PRDM9: variants seen among roughly 807,000 people sequenced by gnomAD.
PRDM9 encodes histone-lysine N-methyltransferase PRDM9.
PRDM9 carries 47 observed loss-of-function variants against 55.6 expected under a neutral mutation model. The observed-to-expected ratio is 0.85, with a 90% CI of 0.67 to 1.08. The LOEUF (loss-of-function observed/expected upper bound fraction) is 1.08. PRDM9 is among the 50% of genes least tolerant of loss of function. The pLI, the probability that PRDM9 is intolerant of heterozygous loss-of-function variation, is 0.00. For missense variants in PRDM9, 867 were observed against 1,040.3 expected (o/e 0.83, Z 2.29); for synonymous variants, 312 against 375.7 (o/e 0.83, Z 1.96).
intron 4 of PRDM9, among the ~76,000 whole-genome samples, chr5:23,511,153 C>T (rs569362974): frequency 9.9e-4 from 151 of 151,800 alleles, no homozygotes; most frequent in African/African-American, 3.2e-3. Flanking sequence ...GAGAAGACTC[C>T]GTCTCAGGGC....
Position 23,521,106 on chromosome 5 carries a change from A to G in PRDM9, c.435A>G (p.Ser145=), listed in dbSNP as rs1173493649. Residue 145 remains serine (S), a synonymous_variant, in exon 6 of 11, where the codon TCA becomes TCG. Coordinates refer to ENST00000296682, the MANE Select transcript of PRDM9 (RefSeq NM_020227.4). ...CAAATTTACTGAATGCAAGTGGCTC[A>G]GAGCAGGCTCAGAAACCAGTGTCCC... ...RTANLLNASG[S]EQAQKPVSPS... is the part of the protein sequence containing the mutation. 1.1e-5 allele frequency: 18 copies of G among 1,614,092 alleles called. No individual in the cohort carries two copies. Among genetic ancestry groups the G allele is most frequent in the Non-Finnish European group, 1.4e-5 (16 of 1,180,048 alleles).
At position 23,527,530 on chromosome 5, in the gene PRDM9, C is replaced by A. The variant is rs1445421439; in HGVS notation, c.2442C>A (p.Ser814Arg). 665 of 1,536,846 alleles carry A rather than the reference C, an allele frequency of 4.3e-4. 44 individuals carry two copies. The highest frequency in any genetic ancestry group is 3.6e-3 in the African/African-American group (192 of 52,802). The change falls in exon 11 of 11, where the codon AGC becomes AGA. Residue 814 changes from serine to arginine, a missense_variant. Transcript: ENST00000296682. Reference protein sequence around the residue: ...YVCRECGRGFSNKSHLLRHQR... With the variant: ...YVCRECGRGFRNKSHLLRHQR... ...GCAGGGAGTGTGGGCGGGGCTTTAG[C>A]AATAAGTCACACCTCCTCAGACACC... is the stretch of plus-strand genomic sequence containing the variant.
intron 4 of PRDM9, among the ~76,000 whole-genome samples, chr5:23,516,563 AG>A (rs371110530): frequency 7.3e-5 from 11 of 150,396 alleles, no homozygotes; most frequent in African/African-American, 2.7e-4. Flanking sequence ...TAGTAGAGAC[AG>A]GGTTTCACCG....
chr5:23,520,640 C>T (rs911567669), intron 5 of PRDM9, among the ~76,000 whole-genome samples: 4 of 151,960 alleles, frequency 2.6e-5, no homozygotes, highest in Non-Finnish European at 4.4e-5. Context: ...GTGCTTTGTC[C>T]CTCTGTGCTT....
intron 6 of PRDM9, among the ~76,000 whole-genome samples, chr5:23,521,759 G>A (rs1476132411): frequency 2.0e-5 from 3 of 152,166 alleles, no homozygotes; most frequent in Non-Finnish European, 4.4e-5. Context: ...GCTCCTGAAT[G>A]GTAATCTGTA....
chr5:23,516,731 T>A (rs1200117783), intron 4 of PRDM9, among the ~76,000 whole-genome samples: 1 of 138,468 alleles, frequency 7.2e-6, no homozygotes, highest in Admixed American at 7.3e-5. Flanking sequence ...TTTCTTTTTT[T>A]TTTTTTAAGA....
intron 10 of PRDM9, 136 bp from the exon 11 acceptor site, chr5:23,526,097 C>T: frequency 9.8e-7 from 1 of 1,023,052 alleles, no homozygotes; most frequent in South Asian, 1.3e-5. Context: ...TGTAAAGGTC[C>T]ATCCAGCACT....
chr5:23,527,916 T>A lies in PRDM9; in HGVS notation c.*143T>A, dbSNP rs1739513663. ...CCCGAGAGTATAAAGAGATCGGAAA[T>A]AACTGATTAAACAAATCCGCCACTT... On this transcript the variant is annotated 3_prime_UTR_variant, in exon 11 of 11. Coordinates refer to ENST00000296682, the MANE Select transcript of PRDM9 (RefSeq NM_020227.4). 5 of 1,087,458 alleles carry A rather than the reference T, an allele frequency of 4.6e-6. No homozygotes were observed. Among genetic ancestry groups the A allele is most frequent in the Non-Finnish European group, 6.8e-6 (5 of 738,236 alleles). The allele number at this position is 1,087,458 out of a possible 1,614,324, so 67.4% of individuals were successfully genotyped here. A position where few individuals can be genotyped will look rare whatever the true frequency, so the allele number is the denominator to read the frequency against.
In PRDM9 at chr5:23,527,850, G is replaced by A. The variant is rs1429767921; in HGVS notation, c.*77G>A. 1.3e-6 allele frequency: 2 copies of A among 1,579,162 alleles called. No homozygotes were observed. Among genetic ancestry groups the A allele is most frequent in the African/African-American group, 2.7e-5 (2 of 74,188 alleles). ...CACCACACACTTGCACACCCCAGCT[G>A]TGAGGTGGCTTCAGCGGAAGTCTGC... is the stretch of plus-strand genomic sequence containing the variant. On this transcript the variant is annotated 3_prime_UTR_variant, in exon 11 of 11. Transcript: ENST00000296682.
chr5:23,525,303 A>C (rs769487151), intron 10 of PRDM9, among the ~76,000 whole-genome samples: 1 of 152,242 alleles, frequency 6.6e-6, no homozygotes, highest in Non-Finnish European at 1.5e-5. Flanking sequence ...TCATCCCCTC[A>C]GAGCTGCTCC....
chr5:23,524,301 T>C (rs1739388839), intron 9 of PRDM9, 33 bp from the exon 10 acceptor site: 2 of 1,609,888 alleles, frequency 1.2e-6, no homozygotes, highest in Non-Finnish European at 1.7e-6. Context: ...ACTCACTGCC[T>C]CTTTTCTTTC....
intron 4 of PRDM9, among the ~76,000 whole-genome samples, chr5:23,513,970 A>G (rs1309052524): frequency 6.6e-6 from 1 of 152,180 alleles, no homozygotes; most frequent in Non-Finnish European, 1.5e-5. Flanking sequence ...AGACTAAGCC[A>G]CCTACCAACA....
At chr5:23,515,542 G>A (rs565029841) in intron 4 of PRDM9, among the ~76,000 whole-genome samples, 17 of 152,090 alleles carry the variant, frequency 1.1e-4, no homozygotes, top group Admixed American at 9.8e-4. Flanking sequence ...GTCTATTTTT[G>A]CTTTTATTGC....
rs1243569677 is a variant in PRDM9 at position 23,514,303 on chromosome 5, G to T, written c.302-3578G>T. Among the ~76,000 whole-genome samples, 3 of 152,190 alleles carry T rather than the reference G, an allele frequency of 2.0e-5. No homozygotes were observed. The East Asian group carries it at 5.8e-4, about 29-fold the overall frequency. On this transcript the variant is annotated intron_variant, in intron 4 of 10. Transcript: ENST00000296682. ...AAGCCTGGAAGTAAAAAATCAGAGT[G>T]CCAGCATGGTTGGGTTCTGGTGAGG...
intron 5 of PRDM9, among the ~76,000 whole-genome samples, chr5:23,518,862 T>C (rs1739272910): frequency 6.6e-6 from 1 of 152,216 alleles, no homozygotes; most frequent in Admixed American, 6.5e-5. Flanking sequence ...CATATCTGAT[T>C]CTTCTCAGAA....
chr5:23,521,082 A>T lies in PRDM9; in HGVS notation c.411A>T (p.Ala137=), dbSNP rs1739317940. 6.2e-7 allele frequency: 1 copy of T among 1,614,106 alleles called. No individual in the cohort carries two copies. The highest frequency in any genetic ancestry group is 1.7e-5 in the Admixed American group (1 of 60,000). ...ESSLKELSRT[A]NLLNASGSEQ... ...GTTTGAAAGAATTGTCAAGAACAGC[A>T]AATTTACTGAATGCAAGTGGCTCAG... is the stretch of plus-strand genomic sequence containing the variant. Residue 137 remains alanine, a synonymous_variant, in exon 6 of 11, where the codon GCA becomes GCT. Coordinates refer to ENST00000296682, the MANE Select transcript of PRDM9 (RefSeq NM_020227.4).
At chr5:23,522,148 G>C (rs1166896211) in intron 6 of PRDM9, among the ~76,000 whole-genome samples, 156 bp from the exon 7 acceptor site, 1 of 152,144 alleles carries the variant, frequency 6.6e-6, no homozygotes, top group African/African-American at 2.4e-5. Context: ...TGTGGGTGTG[G>C]GGTCTAAGTC....
chr5:23,517,985 A>G, intron 5 of PRDM9, 55 bp downstream of exon 5: 2 of 1,453,328 alleles, frequency 1.4e-6, no homozygotes, highest in Non-Finnish European at 1.9e-6. Context: ...ATCCAAACAC[A>G]GGTAAGAGGA....
chr5:23,511,154 G>T (rs988229131), intron 4 of PRDM9, among the ~76,000 whole-genome samples: 4 of 151,728 alleles, frequency 2.6e-5, no homozygotes, highest in Admixed American at 2.6e-4. Context: ...AGAAGACTCC[G>T]TCTCAGGGCG....
Sources: allele counts gnomAD v4.1 joint callset (sites outside exome capture counted in the v4.1 genomes callset), GRCh38; gene constraint gnomAD v4.1.1; transcripts MANE v1.5; gene names NCBI Gene and HGNC (gene_info 2026-07-23, HGNC 2026-07-21).